Variants in AFAP1 observed in about 807,000 individuals in gnomAD.
The protein encoded by AFAP1 is actin filament associated protein 1.
In AFAP1, 75 loss-of-function variants were observed where a neutral mutation model predicts 93.9. The observed-to-expected ratio is 0.80, with a 90% CI of 0.66 to 0.97. The LOEUF is 0.97. AFAP1 is among the 50% of genes least tolerant of loss of function. The pLI is 0.00. For missense variants in AFAP1, 1,201 were observed against 1,050.8 expected (o/e 1.14, Z -1.98); for synonymous variants, 517 against 430.7 (o/e 1.20, Z -2.48).
At chr4:7,801,778 C>T (rs571222123) in intron 9 of AFAP1, among the ~76,000 whole-genome samples, 1 of 151,990 alleles carries the variant, frequency 6.6e-6, no homozygotes, top group African/African-American at 2.4e-5. Context: ...AAACAAAATA[C>T]ATCCTTTCCA....
chr4:7,928,228 T>C (rs756220579), intron 1 of AFAP1, among the ~76,000 whole-genome samples: 8 of 152,160 alleles, frequency 5.3e-5, no homozygotes, highest in Non-Finnish European at 1.0e-4. Context: ...CACAACTCAA[T>C]GAGGCCTGGG....
intron 1 of AFAP1, among the ~76,000 whole-genome samples, chr4:7,908,909 T>A (rs1256762155): frequency 7.1e-6 from 1 of 140,688 alleles, no homozygotes; most frequent in Non-Finnish European, 1.5e-5. Flanking sequence ...ACGTGCTTAG[T>A]GTAGGAAGTG....
intron 3 of AFAP1, among the ~76,000 whole-genome samples, chr4:7,864,649 A>T (rs191639059): frequency 2.0e-5 from 3 of 152,300 alleles, no homozygotes; most frequent in African/African-American, 4.8e-5. Context: ...GTGCCCACAA[A>T]AACTGTCCCA....
At chr4:7,826,303 C>G (rs530404051) in intron 6 of AFAP1, among the ~76,000 whole-genome samples, 12 of 152,170 alleles carry the variant, frequency 7.9e-5, no homozygotes, top group Non-Finnish European at 1.8e-4. Context: ...TTTGGAGAGT[C>G]CCCACCCCAC....
chr4:7,833,402 C>T (rs1277347448), intron 6 of AFAP1, among the ~76,000 whole-genome samples: 1 of 152,024 alleles, frequency 6.6e-6, no homozygotes, highest in African/African-American at 2.4e-5. Flanking sequence ...CAAAAAAATG[C>T]TCAATATCAC....
chr4:7,810,751 G>C (rs913283900), intron 8 of AFAP1, among the ~76,000 whole-genome samples: 8 of 152,246 alleles, frequency 5.3e-5, no homozygotes, highest in African/African-American at 1.9e-4. Context: ...ATGTGGGCAA[G>C]CAACAGCGGC....
rs1274241363 is a variant in AFAP1, at chr4:7,843,253, C to A, written c.432G>T (p.Glu144Asp). Residue 144 changes from glutamate to aspartate, a missense_variant, in exon 5 of 18, where the codon GAG becomes GAT. By Grantham distance (45) the Glu-to-Asp change is conservative. Transcript: ENST00000420658. ...CCTTGACCAGGTCCATGGAGGCCTCCTCGGAGGGCCACTGGTGCCGGGTTT... is the reference window on the plus strand; with the variant it reads ...CCTTGACCAGGTCCATGGAGGCCTCATCGGAGGGCCACTGGTGCCGGGTTT... ...GKKTRHQWPSEEASMDLVKDA... is the reference protein window; with the variant it reads ...GKKTRHQWPSDEASMDLVKDA... The A allele has an allele frequency of 6.2e-7, 1 of 1,614,196 alleles. No individual in the cohort carries two copies. Among genetic ancestry groups the A allele is most frequent in the Non-Finnish European group, 8.5e-7 (1 of 1,180,024 alleles).
intron 6 of AFAP1, among the ~76,000 whole-genome samples, chr4:7,825,789 C>T (rs538602537): frequency 6.6e-6 from 1 of 151,496 alleles, no homozygotes; most frequent in East Asian, 1.9e-4. Flanking sequence ...ATTAACATAG[C>T]CCAGAAAGAT....
chr4:7,867,126 GGGAGC>G (rs1416694616), intron 3 of AFAP1, among the ~76,000 whole-genome samples: 5 of 58,798 alleles, frequency 8.5e-5, no homozygotes, highest in Admixed American at 4.9e-4. Context: ...GGGAGGGTAG[GGGAGC>G]GGAGGGGAGG....
chr4:7,813,863 T>G (rs545278513), intron 8 of AFAP1, among the ~76,000 whole-genome samples: 70 of 152,302 alleles, frequency 4.6e-4, no homozygotes, highest in African/African-American at 1.6e-3. Flanking sequence ...TGGGCTGGAT[T>G]GCTACTTGGT....
At chr4:7,779,274 G>GA (rs1560152397) in intron 13 of AFAP1, 1 of 175,738 alleles carries the variant, frequency 5.7e-6, no homozygotes, top group African/African-American at 2.4e-5. Flanking sequence ...AGAGGAGCAC[G>GA]ACCCTGCAGT....
chr4:7,817,375 G>T (rs949424214), intron 7 of AFAP1, among the ~76,000 whole-genome samples: 4 of 152,202 alleles, frequency 2.6e-5, no homozygotes, highest in African/African-American at 9.6e-5. Context: ...GGCCAAGGCA[G>T]ATGTATCACG....
At chr4:7,893,040 T>A (rs1718559796) in intron 1 of AFAP1, among the ~76,000 whole-genome samples, 1 of 152,034 alleles carries the variant, frequency 6.6e-6, no homozygotes, top group Non-Finnish European at 1.5e-5. Flanking sequence ...TATGAGAAAA[T>A]GAAGAAGACA....
rs777230330 is a variant in AFAP1, at chr4:7,857,995, C to A, written c.226-2421G>T. Among the ~76,000 whole-genome samples, 9 of 152,114 alleles carry A rather than the reference C, an allele frequency of 5.9e-5. No individual in the cohort carries two copies. In the South Asian group the frequency reaches 6.2e-4, roughly 11 times the overall value. ...TGTCAAAAACCACATATGAAAAAAA[C>A]CACATAAGGATGTTCAATAAAAGTT... On this transcript the variant is annotated intron_variant, in intron 3 of 17. Coordinates refer to ENST00000420658, the MANE Select transcript of AFAP1 (RefSeq NM_001134647.2).
intron 1 of AFAP1, among the ~76,000 whole-genome samples, chr4:7,900,766 T>C (rs1012839334): frequency 1.8e-4 from 28 of 152,230 alleles, no homozygotes; most frequent in Non-Finnish European, 4.0e-4. Flanking sequence ...ACTCAAATAC[T>C]GTTACGTGGT....
At chr4:7,829,047 C>T (rs1272073269) in intron 6 of AFAP1, among the ~76,000 whole-genome samples, 1 of 152,184 alleles carries the variant, frequency 6.6e-6, no homozygotes, top group Non-Finnish European at 1.5e-5. Context: ...AAGGGGCTTT[C>T]CCCTCTTTTG....
At chr4:7,800,734 GCC>G (rs1718948306) in intron 9 of AFAP1, 81 bp from the exon 10 acceptor site, 1 of 1,356,908 alleles carries the variant, frequency 7.4e-7, no homozygotes, top group Admixed American at 1.8e-5. Flanking sequence ...CACTGAGGAG[GCC>G]CAGGGATGGG....
intron 4 of AFAP1, among the ~76,000 whole-genome samples, chr4:7,853,739 G>T (rs1389311487): frequency 6.6e-6 from 1 of 152,186 alleles, no homozygotes; most frequent in Non-Finnish European, 1.5e-5. Flanking sequence ...ACTGAAGGTG[G>T]TACAATCCTT....
rs1219668135 is a variant in AFAP1 at position 7,778,830 on chromosome 4, T to C, written c.1829A>G (p.Lys610Arg). 6.2e-7 allele frequency: 1 copy of C among 1,614,212 alleles called. No individual in the cohort carries two copies. The highest frequency in any genetic ancestry group is 1.1e-5 in the South Asian group (1 of 91,086). Residue 610 changes from lysine to arginine, a missense_variant, in exon 14 of 18, where the codon AAA (lysine) becomes AGA (arginine). Physicochemically the swap from Lys to Arg is conservative, Grantham distance 26. Transcript: ENST00000420658. Reference protein sequence around the residue: ...PPVASNGVTGKGKTLSSQPKK... With the variant: ...PPVASNGVTGRGKTLSSQPKK... ...TGGCTGACTGCTCAGAGTCTTCCCT[T>C]TTCCTGTGACCCCATTAGACGCCAC...
Sources: gnomAD v4.1 joint callset for allele counts (sites outside exome capture counted in the v4.1 genomes callset) on GRCh38, gnomAD v4.1.1 for gene constraint, MANE v1.5 for transcripts, NCBI Gene and HGNC (gene_info 2026-07-23, HGNC 2026-07-21) for gene names.